The following PLVAP variants were observed in gnomAD, a reference collection of about 807,000 sequenced individuals.
PLVAP encodes plasmalemma vesicle associated protein.
A neutral mutation model predicts 43.1 loss-of-function variants in PLVAP; 34 were observed. The observed-to-expected ratio is 0.79, with a 90% confidence interval of 0.60 to 1.05. PLVAP has a LOEUF of 1.05. PLVAP is among the 50% of genes least tolerant of loss of function. The pLI, the probability that PLVAP is intolerant of heterozygous loss-of-function variation, is 0.00. For synonymous variants in PLVAP, 241 were observed against 237.3 expected (o/e 1.02, Z -0.14); for missense variants, 574 against 593.4 (o/e 0.97, Z 0.34).
At chr19:17,374,939 C>G (rs1022821856) in intron 1 of PLVAP, among the ~76,000 whole-genome samples, 1 of 152,102 alleles carries the variant, frequency 6.6e-6, no homozygotes, top group Non-Finnish European at 1.5e-5. Context: ...CTGCCTCAGC[C>G]TCCCGAGTAG....
intron 1 of PLVAP, 86 bp from the exon 2 acceptor site, chr19:17,366,281 G>A: frequency 2.3e-6 from 3 of 1,320,254 alleles, no homozygotes; most frequent in East Asian, 2.3e-5. Context: ...GCACCCTGGT[G>A]GCCAGAGTGA....
chr19:17,370,551 G>A (rs183172704), intron 1 of PLVAP, among the ~76,000 whole-genome samples: 1 of 152,272 alleles, frequency 6.6e-6, no homozygotes, highest in African/African-American at 2.4e-5. Flanking sequence ...AAAGGCCACA[G>A]AATGTGAGAT....
rs760698566 is a variant in PLVAP, at chr19:17,366,145, C to G, written c.420G>C (p.Glu140Asp). Residue 140 changes from glutamate (E) to aspartate (D), a missense_variant, in exon 2 of 6, where the codon GAG becomes GAC. Coordinates refer to ENST00000252590, the MANE Select transcript of PLVAP (RefSeq NM_031310.3). ...CCTTGAATTGATCTCTGCATTGCTT[C>G]TCACTCAAGATGATGGCAGCCATGT... ...QRYMAAIILS[E>D]KQCRDQFKDM... 1.2e-6 allele frequency: 2 copies of G among 1,614,164 alleles called. No individual in the cohort carries two copies. The highest frequency in any genetic ancestry group is 1.3e-5 in the African/African-American group (1 of 75,040).
chr19:17,353,259 C>G (rs1244195877), intron 5 of PLVAP, among the ~76,000 whole-genome samples: 2 of 152,242 alleles, frequency 1.3e-5, no homozygotes, highest in East Asian at 3.9e-4. Context: ...AGCATTTACC[C>G]AGCTCTTGTC....
intron 5 of PLVAP, among the ~76,000 whole-genome samples, chr19:17,358,664 G>A (rs2074515951): frequency 6.6e-6 from 1 of 152,208 alleles, no homozygotes; most frequent in African/African-American, 2.4e-5. Context: ...AGGGGGCACA[G>A]GCAGCAAGCC....
intron 5 of PLVAP, among the ~76,000 whole-genome samples, chr19:17,359,988 C>T (rs2074521749): frequency 6.6e-6 from 1 of 152,148 alleles, no homozygotes; most frequent in African/African-American, 2.4e-5. Context: ...TTCCTGCTGC[C>T]TAGAACACTG....
intron 1 of PLVAP, among the ~76,000 whole-genome samples, chr19:17,369,953 C>T (rs1472446920): frequency 7.3e-6 from 1 of 137,216 alleles, no homozygotes; most frequent in African/African-American, 2.8e-5. Flanking sequence ...CAGTGAGCCA[C>T]GATCACACCA....
At position 17,376,922 on chromosome 19, in the gene PLVAP, G is replaced by A. The variant is rs770630568; in HGVS notation, c.367C>T (p.Arg123Trp). Residue 123 changes from arginine to tryptophan, a missense_variant and splice_region_variant, in exon 1 of 6, where the codon CGG (arginine) becomes TGG (tryptophan). Transcript: ENST00000252590. ...NASFRQCQGD[R>W]VIYTNNQRYM... ...GAGTGTCCTGCCCACAGCCTTACCC[G>A]GTCACCCTGGCACTGGCGGAAGCTG... 2.0e-5 allele frequency: 33 copies of A among 1,612,206 alleles called. No individual in the cohort carries two copies. The highest frequency in any genetic ancestry group is 2.5e-5 in the Non-Finnish European group (29 of 1,179,196).
intron 1 of PLVAP, among the ~76,000 whole-genome samples, chr19:17,370,963 G>A (rs1256330840): frequency 1.3e-5 from 2 of 151,454 alleles, no homozygotes; most frequent in African/African-American, 4.8e-5. Context: ...GGCTGAGGCA[G>A]GAGAATGGCG....
chr19:17,363,039 C>A (rs1045676689), intron 3 of PLVAP, among the ~76,000 whole-genome samples: 4 of 152,206 alleles, frequency 2.6e-5, no homozygotes, highest in Admixed American at 2.0e-4. Flanking sequence ...GCTCCCTACG[C>A]TCAAACTCAG....
At chr19:17,374,858 G>A (rs183932171) in intron 1 of PLVAP, among the ~76,000 whole-genome samples, 1 of 152,022 alleles carries the variant, frequency 6.6e-6, no homozygotes, top group East Asian at 1.9e-4. Flanking sequence ...TCCCTCTGTT[G>A]CCCAGGCTGG....
chr19:17,360,758 CT>C lies in PLVAP; in HGVS notation c.1240+13del. 5.6e-6 allele frequency: 9 copies of C among 1,612,252 alleles called. No homozygotes were observed. The highest frequency in any genetic ancestry group is 6.8e-6 in the Non-Finnish European group (8 of 1,178,326). On this transcript the variant is annotated intron_variant, in intron 4 of 5. Transcript: ENST00000252590. Reference sequence around the variant, plus strand: ...GGGCCCCTCCCCTACTTGGCTCTGTCTTTTGTCACTCACCGATGGGCTGGGG... The same window carrying C: ...GGGCCCCTCCCCTACTTGGCTCTGTCTTTGTCACTCACCGATGGGCTGGGG...
chr19:17,355,531 T>TG (rs930871693), intron 5 of PLVAP, among the ~76,000 whole-genome samples: 14 of 143,502 alleles, frequency 9.8e-5, no homozygotes, highest in African/African-American at 3.6e-4. Context: ...CCTGGTTAAT[T>TG]TTTTTTTTTT....
In PLVAP at chr19:17,377,256, G is replaced by A. The variant is rs768034061; in HGVS notation, c.33C>T (p.Tyr11=). 1.9e-6 allele frequency: 3 copies of A among 1,613,580 alleles called. No homozygotes were observed. Among genetic ancestry groups the A allele is most frequent in the Admixed American group, 1.7e-5 (1 of 59,966 alleles). ...CCCGAGAGCTGCCCCCCGCCCGAGC[G>A]TAGGACCCTCCGTGCTCCATGGCCA... The part of the protein sequence containing the change: MGLAMEHGGS[Y]ARAGGSSRGC... The change falls in exon 1 of 6, where the codon TAC becomes TAT. Residue 11 remains tyrosine (Y), a synonymous_variant. Coordinates refer to ENST00000252590, the MANE Select transcript of PLVAP (RefSeq NM_031310.3).
Position 17,365,475 on chromosome 19 carries a change from C to T in PLVAP, c.990G>A (p.Gln330=), listed in dbSNP as rs1489610745. The part of the protein sequence containing the change: ...EAKQKVEKEA[Q]AREAKLQAEC... ...CAGCTTGGAGCTTGGCCTCCCGGGC[C>T]TGAGCCTCCTTCTCCACCTTCTGTT... The change falls in exon 3 of 6, where the codon CAG becomes CAA. Residue 330 remains glutamine (Q), a synonymous_variant. Transcript: ENST00000252590. 1.9e-6 allele frequency: 3 copies of T among 1,612,618 alleles called. No individual in the cohort carries two copies. The highest frequency in any genetic ancestry group is 1.7e-5 in the Admixed American group (1 of 60,012).
Position 17,352,287 on chromosome 19 carries a change from G to C in PLVAP, c.*75C>G, listed in dbSNP as rs542358836. On this transcript the variant is annotated 3_prime_UTR_variant, in exon 6 of 6. Coordinates refer to ENST00000252590, the MANE Select transcript of PLVAP (RefSeq NM_031310.3). ...GCGGCGGGAGGGGGTTGTGTCGGGCGCTGTGAGCATATCCCTGCATCCTCC... is the reference window on the plus strand; with the variant it reads ...GCGGCGGGAGGGGGTTGTGTCGGGCCCTGTGAGCATATCCCTGCATCCTCC... 1 of 1,585,124 alleles carries C rather than the reference G, an allele frequency of 6.3e-7. No individual in the cohort carries two copies. Among genetic ancestry groups the C allele is most frequent in the East Asian group, 2.2e-5 (1 of 44,654 alleles).
intron 1 of PLVAP, among the ~76,000 whole-genome samples, chr19:17,368,602 G>T (rs894186166): frequency 1.3e-5 from 2 of 152,124 alleles, no homozygotes; most frequent in Non-Finnish European, 1.5e-5. Flanking sequence ...ATAAAGAGAA[G>T]AGATTTGGAC....
intron 1 of PLVAP, among the ~76,000 whole-genome samples, chr19:17,373,012 G>GACC (rs1568377410): frequency 7.1e-6 from 1 of 140,780 alleles, no homozygotes; most frequent in East Asian, 2.2e-4. Context: ...GTTGCAGTGA[G>GACC]TGGATACCGC....
chr19:17,365,223 AC>A, intron 3 of PLVAP, 62 bp downstream of exon 3: 3 of 1,480,658 alleles, frequency 2.0e-6, no homozygotes, highest in Admixed American at 4.1e-5. Context: ...TCAAATCGCC[AC>A]CACCCTCTTG....
Sources: allele counts gnomAD v4.1 joint callset (sites outside exome capture counted in the v4.1 genomes callset), GRCh38; gene constraint gnomAD v4.1.1; transcripts MANE v1.5; gene names NCBI Gene and HGNC (gene_info 2026-07-23, HGNC 2026-07-21).